ZNF804A: variants seen among roughly 807,000 people sequenced by gnomAD.
ZNF804A encodes the protein zinc finger protein 804A.
Under a neutral mutation model 16.5 loss-of-function variants are expected in ZNF804A, and 2 were observed. That is an observed-to-expected ratio of 0.12 (90% CI 0.05 to 0.38). The LOEUF is 0.38. ZNF804A is among the 10% of genes least tolerant of loss of function. The pLI is 0.99. For missense variants in ZNF804A, 1,473 were observed against 1,390.7 expected (o/e 1.06, Z -0.94); for synonymous variants, 534 against 489.6 (o/e 1.09, Z -1.20).
intron 1 of ZNF804A, among the ~76,000 whole-genome samples, chr2:184,794,314 G>T (rs182866196): frequency 4.1e-4 from 63 of 152,116 alleles, no homozygotes; most frequent in Non-Finnish European, 8.2e-4. Context: ...GCATTTCCCT[G>T]ATCACTACTG....
intron 1 of ZNF804A, among the ~76,000 whole-genome samples, chr2:184,699,909 C>G (rs931218503): frequency 2.0e-5 from 3 of 151,914 alleles, no homozygotes; most frequent in Admixed American, 6.6e-5. Flanking sequence ...AGTAGTGGAG[C>G]TGGTAATCTC....
At chr2:184,639,813 T>C (rs1267060130) in intron 1 of ZNF804A, among the ~76,000 whole-genome samples, 2 of 151,754 alleles carry the variant, frequency 1.3e-5, no homozygotes, top group East Asian at 3.9e-4. Context: ...CCATCCTGGT[T>C]AATATGGTGA....
chr2:184,848,604 G>A (rs1444597736), intron 1 of ZNF804A, among the ~76,000 whole-genome samples: 1 of 151,964 alleles, frequency 6.6e-6, no homozygotes. Flanking sequence ...AACATTCTAG[G>A]AAGAATAAAT....
rs147851881 is a variant in ZNF804A at position 184,823,275 on chromosome 2, C to T, written c.112-43094C>T. Among the ~76,000 whole-genome samples, 220 of 151,998 alleles carry T rather than the reference C, an allele frequency of 1.4e-3. 4 individuals are homozygous for T. In the East Asian group the frequency reaches 0.022, roughly 15 times the overall value. Reference sequence around the variant, plus strand: ...CAGTGATTTTATAAGGTCATTAATCCCATTTATGAGAGCTCCACCCACATG... The same window carrying T: ...CAGTGATTTTATAAGGTCATTAATCTCATTTATGAGAGCTCCACCCACATG... On this transcript the variant is annotated intron_variant, in intron 1 of 3. Coordinates refer to ENST00000302277, the MANE Select transcript of ZNF804A (RefSeq NM_194250.2).
chr2:184,720,602 T>C (rs1437332317), intron 1 of ZNF804A, among the ~76,000 whole-genome samples: 4 of 151,960 alleles, frequency 2.6e-5, no homozygotes, highest in Non-Finnish European at 4.4e-5. Context: ...ATGAATAAAT[T>C]AAAGAAGACA....
intron 1 of ZNF804A, among the ~76,000 whole-genome samples, chr2:184,681,137 G>A (rs1187116193): frequency 1.3e-5 from 2 of 152,204 alleles, no homozygotes; most frequent in African/African-American, 4.8e-5. Flanking sequence ...AAGCCTGAAT[G>A]CAGGCTGCCT....
At chr2:184,736,376 T>C (rs991935282) in intron 1 of ZNF804A, among the ~76,000 whole-genome samples, 3 of 152,176 alleles carry the variant, frequency 2.0e-5, no homozygotes, top group African/African-American at 7.2e-5. Flanking sequence ...TAAGTGTTCA[T>C]AGAGAAAATG....
intron 1 of ZNF804A, among the ~76,000 whole-genome samples, chr2:184,692,021 A>G (rs1451797677): frequency 3.9e-5 from 6 of 152,192 alleles, no homozygotes; most frequent in Non-Finnish European, 7.4e-5. Context: ...AGAAAGTTTA[A>G]CTGTATAGCC....
chr2:184,683,904 C>T (rs936423094), intron 1 of ZNF804A, among the ~76,000 whole-genome samples: 8 of 152,038 alleles, frequency 5.3e-5, no homozygotes, highest in Non-Finnish European at 1.0e-4. Context: ...TCATTATTGT[C>T]CCTTGCTCTA....
At chr2:184,881,720 G>A (rs955765128) in intron 2 of ZNF804A, among the ~76,000 whole-genome samples, 1 of 151,936 alleles carries the variant, frequency 6.6e-6, no homozygotes, top group Non-Finnish European at 1.5e-5. Context: ...ATACTTTTCA[G>A]ACAAGCAAAT....
chr2:184,937,717 A>G lies in ZNF804A; in HGVS notation c.2321A>G (p.Gln774Arg), dbSNP rs1685816735. 6.2e-7 allele frequency: 1 copy of G among 1,613,966 alleles called. No individual in the cohort carries two copies. Among genetic ancestry groups the G allele is most frequent in the African/African-American group, 1.3e-5 (1 of 74,928 alleles). ...ESERFYRKRR[Q>R]HSHSYSSDES... Reference sequence around the variant, plus strand: ...GAAAGATTCTATCGAAAACGTAGACAACATTCACATTCTTATTCTTCAGAT... The same window carrying G: ...GAAAGATTCTATCGAAAACGTAGACGACATTCACATTCTTATTCTTCAGAT... Residue 774 changes from glutamine (Q) to arginine (R), a missense_variant, in exon 4 of 4, where the codon CAA (glutamine) becomes CGA (arginine). Gln to Arg is a conservative substitution (Grantham distance 43, BLOSUM62 1). Coordinates refer to ENST00000302277, the MANE Select transcript of ZNF804A (RefSeq NM_194250.2).
At chr2:184,750,161 A>G (rs186560240) in intron 1 of ZNF804A, among the ~76,000 whole-genome samples, 2 of 151,418 alleles carry the variant, frequency 1.3e-5, no homozygotes, top group Admixed American at 1.3e-4. Flanking sequence ...AAATTTATTG[A>G]GGAGTGATAA....
chr2:184,604,107 T>TCTG (rs1691094714), intron 1 of ZNF804A, among the ~76,000 whole-genome samples: 2 of 147,948 alleles, frequency 1.4e-5, no homozygotes, highest in Non-Finnish European at 3.0e-5. Flanking sequence ...ACTTCTCACT[T>TCTG]CTGCACCAAT....
intron 1 of ZNF804A, among the ~76,000 whole-genome samples, chr2:184,641,599 T>TAAA (rs1415459983): frequency 3.3e-5 from 5 of 152,238 alleles, no homozygotes; most frequent in Non-Finnish European, 7.3e-5. Flanking sequence ...TTGCACTGTT[T>TAAA]CATTATAGTC....
At chr2:184,834,542 C>G (rs1354593038) in intron 1 of ZNF804A, among the ~76,000 whole-genome samples, 1 of 152,140 alleles carries the variant, frequency 6.6e-6, no homozygotes, top group African/African-American at 2.4e-5. Flanking sequence ...CTCTCTCTGT[C>G]TTGCTGCTGC....
At chr2:184,806,163 T>A (rs1478793611) in intron 1 of ZNF804A, among the ~76,000 whole-genome samples, 2 of 151,974 alleles carry the variant, frequency 1.3e-5, no homozygotes, top group African/African-American at 2.4e-5. Context: ...TGGCATTGAA[T>A]AAGTAGGCAA....
rs554874583 is a variant in ZNF804A at position 184,618,698 on chromosome 2, T to A, written c.111+19628T>A. ...ATTCCTAGTTCTGAAACCTTCTATATACTATTAAGATTAATAAAACTTCTC... is the reference window on the plus strand; with the variant it reads ...ATTCCTAGTTCTGAAACCTTCTATAAACTATTAAGATTAATAAAACTTCTC... On this transcript the variant is annotated intron_variant, in intron 1 of 3. Coordinates refer to ENST00000302277, the MANE Select transcript of ZNF804A (RefSeq NM_194250.2). Among the ~76,000 whole-genome samples, 138 of 152,192 alleles carry A rather than the reference T, an allele frequency of 9.1e-4. 2 individuals carry two copies. In the South Asian group the frequency reaches 0.026, roughly 28 times the overall value.
At chr2:184,606,029 T>C (rs1691139361) in intron 1 of ZNF804A, among the ~76,000 whole-genome samples, 1 of 152,206 alleles carries the variant, frequency 6.6e-6, no homozygotes, top group African/African-American at 2.4e-5. Context: ...TGTAAGTACA[T>C]TTAATATACT....
chr2:184,766,600 T>G (rs760999194), intron 1 of ZNF804A, among the ~76,000 whole-genome samples: 1 of 151,014 alleles, frequency 6.6e-6, no homozygotes, highest in Admixed American at 6.6e-5. Context: ...ATGACTGTCT[T>G]GTAAAAATAA....
Sources: allele counts gnomAD v4.1 joint callset (sites outside exome capture counted in the v4.1 genomes callset), GRCh38; gene constraint gnomAD v4.1.1; transcripts MANE v1.5; gene names NCBI Gene and HGNC (gene_info 2026-07-23, HGNC 2026-07-21).